The following GLYATL2 variants were observed in gnomAD, a reference collection of about 807,000 sequenced individuals.
GLYATL2 encodes glycine-N-acyltransferase like 2.
GLYATL2 carries 25 observed loss-of-function variants against 21.4 expected under a neutral mutation model. That is an observed-to-expected ratio of 1.17 (90% CI 0.85 to 1.63). GLYATL2 has a LOEUF of 1.63. Ranked by LOEUF, GLYATL2 falls within the 40% of genes most tolerant of loss-of-function variation. The pLI is 0.00. For missense variants in GLYATL2, 361 were observed against 343.3 expected, an observed-to-expected ratio of 1.05 and a Z score of -0.41; for synonymous variants, 114 against 118.2, an observed-to-expected ratio of 0.96 and a Z score of 0.23.
chr11:58,890,780 AT>A (rs755043062), intron 1 of GLYATL2, among the ~76,000 whole-genome samples: 1 of 150,950 alleles, frequency 6.6e-6, no homozygotes, highest in Non-Finnish European at 1.5e-5. Context: ...CTCTGTGCTT[AT>A]TTTTTTATTT....
intron 1 of GLYATL2, among the ~76,000 whole-genome samples, chr11:58,872,317 C>T (rs1008051633): frequency 1.8e-4 from 28 of 152,208 alleles, no homozygotes; most frequent in African/African-American, 3.1e-4. Flanking sequence ...TTTTGGCTTT[C>T]GTTGCCATTG....
chr11:58,906,754 T>A (rs1220621765), upstream of GLYATL2, among the ~76,000 whole-genome samples: 2 of 152,188 alleles, frequency 1.3e-5, no homozygotes, highest in African/African-American at 4.8e-5. Context: ...TTTGTTTCTG[T>A]AAGCAAGCAC....
At chr11:58,903,540 A>G (rs1256871590) in intron 1 of GLYATL2, among the ~76,000 whole-genome samples, 2 of 152,030 alleles carry the variant, frequency 1.3e-5, no homozygotes, top group Non-Finnish European at 2.9e-5. Flanking sequence ...GGGCGTGGTG[A>G]CAGGCACTTG....
At chr11:58,909,720 G>C in the GLYATL2 span, among the ~76,000 whole-genome samples, 2 of 152,254 alleles carry the variant, frequency 1.3e-5, no homozygotes, top group South Asian at 4.1e-4. Context: ...TTTCTAGACT[G>C]GTAAGGTAGT....
At chr11:58,845,715 G>A (rs1225179465), upstream of GLYATL2, among the ~76,000 whole-genome samples, 2 of 152,110 alleles carry the variant, frequency 1.3e-5, no homozygotes, top group Non-Finnish European at 2.9e-5. Flanking sequence ...AGCTGTTGCT[G>A]AGAAAAAAAT....
intron 1 of GLYATL2, among the ~76,000 whole-genome samples, chr11:58,863,063 T>A (rs952814026): frequency 3.3e-5 from 5 of 152,178 alleles, no homozygotes; most frequent in Admixed American, 6.5e-5. Flanking sequence ...CTGTGTCAGC[T>A]GGTGGTAGGC....
Position 58,834,591 on chromosome 11 carries a change from A to T in GLYATL2, c.723T>A (p.Ile241=). 4 of 1,613,926 alleles carry T rather than the reference A, an allele frequency of 2.5e-6. No individual in the cohort carries two copies. In the South Asian group the frequency reaches 4.4e-5, roughly 18 times the overall value. Residue 241 remains isoleucine, a synonymous_variant, in exon 6 of 6, where the codon ATT becomes ATA. Transcript: ENST00000287275. ...KYRHQGNMLQ[I]GYHLEKYLSQ... is the part of the protein sequence containing the mutation. ...AAAGATACTTTTCAAGATGATAACC[A>T]ATTTGCAACATGTTGCCTTGGTGTC...
intron 1 of GLYATL2, among the ~76,000 whole-genome samples, chr11:58,864,173 C>T (rs535305243): frequency 1.3e-5 from 2 of 152,284 alleles, no homozygotes; most frequent in East Asian, 3.9e-4. Context: ...AGGGGTCAGC[C>T]TGGAGGTTGG....
chr11:58,837,507 G>A (rs1853460976), intron 3 of GLYATL2, 110 bp from the exon 4 acceptor site: 1 of 1,058,684 alleles, frequency 9.4e-7, no homozygotes, highest in Non-Finnish European at 1.4e-6. Flanking sequence ...CTGTTTTTCT[G>A]AGACAGGTGT....
chr11:58,905,802 C>T (rs1854860067), upstream of GLYATL2: 1 of 384,386 alleles, frequency 2.6e-6, no homozygotes, highest in Admixed American at 2.8e-5. Flanking sequence ...CCCGCGAGCG[C>T]GTGCGCCCAG....
rs113015154 is a variant in GLYATL2, at chr11:58,884,679, G to A, written n.60+19477C>T. 5.6e-3 allele frequency among the ~76,000 whole-genome samples: 845 copies of A among 152,242 alleles called. 5 individuals are homozygous for A. Among genetic ancestry groups the A allele is most frequent in the South Asian group, 9.5e-3 (46 of 4,822 alleles). On this transcript the variant is annotated intron_variant and non_coding_transcript_variant, in intron 1 of 4. Coordinates refer to the GLYATL2 transcript ENST00000533636. ...TTTAATTCATTCCACCAGGGAGGAA[G>A]GGCATGGGGTTTGGAGCCATTCATA...
At chr11:58,855,985 G>A (rs1416336537) in intron 1 of GLYATL2, among the ~76,000 whole-genome samples, 2 of 152,080 alleles carry the variant, frequency 1.3e-5, no homozygotes, top group Non-Finnish European at 2.9e-5. Flanking sequence ...AAAAAAATCA[G>A]CCAGGTGTGT....
intron 1 of GLYATL2, among the ~76,000 whole-genome samples, chr11:58,900,831 A>AC (rs1854725318): frequency 1.3e-5 from 2 of 151,168 alleles, no homozygotes; most frequent in African/African-American, 4.9e-5. Context: ...CATGGAAGCT[A>AC]CCATTGGCTT....
chr11:58,877,369 A>G (rs895785926), intron 1 of GLYATL2, among the ~76,000 whole-genome samples: 14 of 152,206 alleles, frequency 9.2e-5, no homozygotes, highest in African/African-American at 3.1e-4. Context: ...TGTCGCTCAC[A>G]CTGGGAGCTG....
At chr11:58,887,225 A>G (rs951868621) in intron 1 of GLYATL2, among the ~76,000 whole-genome samples, 4 of 152,212 alleles carry the variant, frequency 2.6e-5, no homozygotes, top group Non-Finnish European at 5.9e-5. Flanking sequence ...ATGAAAATAT[A>G]AAAGTTGAAT....
chr11:58,848,811 C>T (rs1330658699), upstream of GLYATL2, among the ~76,000 whole-genome samples: 2 of 152,136 alleles, frequency 1.3e-5, no homozygotes, highest in Admixed American at 6.6e-5. Flanking sequence ...TAACAGAGAA[C>T]TTCCCCATAC....
intron 1 of GLYATL2, among the ~76,000 whole-genome samples, chr11:58,843,649 A>C (rs1051216881): frequency 1.3e-5 from 2 of 152,216 alleles, no homozygotes; most frequent in Admixed American, 6.5e-5. Flanking sequence ...GAGACCAATA[A>C]AGTAAGAAAA....
In GLYATL2 at chr11:58,834,622, T is replaced by A. The variant is rs1201959849; in HGVS notation, c.692A>T (p.Lys231Ile). 1.9e-6 allele frequency: 3 copies of A among 1,613,518 alleles called. No homozygotes were observed. The highest frequency in any genetic ancestry group is 2.5e-6 in the Non-Finnish European group (3 of 1,179,882). Residue 231 changes from lysine (K) to isoleucine (I), a missense_variant, in exon 6 of 6, where the codon AAA becomes ATA. Transcript: ENST00000287275. ...CAACATGTTGCCTTGGTGTCTGTATTTGGGGACAGTATAACCCATTCTCAA... is the reference window on the plus strand; with the variant it reads ...CAACATGTTGCCTTGGTGTCTGTATATGGGGACAGTATAACCCATTCTCAA... ...CELRMGYTVPKYRHQGNMLQI... is the reference protein window; with the variant it reads ...CELRMGYTVPIYRHQGNMLQI...
At chr11:58,861,168 A>G (rs1481536800) in intron 1 of GLYATL2, among the ~76,000 whole-genome samples, 1 of 152,062 alleles carries the variant, frequency 6.6e-6, no homozygotes, top group South Asian at 2.1e-4. Flanking sequence ...AAAGATTGAC[A>G]TTAGTTCTTC....
Sources: gnomAD v4.1 joint callset for allele counts (sites outside exome capture counted in the v4.1 genomes callset) on GRCh38, gnomAD v4.1.1 for gene constraint, MANE v1.5 for transcripts, NCBI Gene and HGNC (gene_info 2026-07-23, HGNC 2026-07-21) for gene names.